Variants in CIDEA observed in about 807,000 individuals in gnomAD.
CIDEA encodes the protein cell death inducing DFFA like effector a.
In CIDEA, 10 loss-of-function variants were observed where a neutral mutation model predicts 18.2. The observed-to-expected ratio is 0.55, with a 90% CI of 0.34 to 0.93. The LOEUF (loss-of-function observed/expected upper bound fraction) is 0.93. CIDEA is among the 40% of genes least tolerant of loss of function. CIDEA has a pLI of 0.02. For missense variants in CIDEA, 309 were observed against 293.1 expected, an observed-to-expected ratio of 1.05 and a Z score of -0.40; for synonymous variants, 128 against 124.8, an observed-to-expected ratio of 1.03 and a Z score of -0.17.
chr18:12,274,007 G>A, intron 3 of CIDEA, 86 bp from the exon 4 acceptor site: 1 of 1,429,954 alleles, frequency 7.0e-7, no homozygotes, highest in South Asian at 1.3e-5. Flanking sequence ...ACACATAGGA[G>A]AATCTGAAGC....
intron 1 of CIDEA, 105 bp from the exon 2 acceptor site, chr18:12,262,716 ATTTC>A (rs1912226301): frequency 1.4e-5 from 15 of 1,073,028 alleles, no homozygotes; most frequent in South Asian, 6.1e-5. Context: ...CAACAACTGA[ATTTC>A]TTTCTTTTAG....
rs1332055882 is a variant in CIDEA, at chr18:12,254,374, G to C, written c.-10G>C. ...AGACAGACCTCCAGGCCCGCTAGGG[G>C]ATCCGCGCCATGGAGGCCGCCCGGG... On this transcript the variant is annotated 5_prime_UTR_variant, in exon 1 of 5. Coordinates refer to ENST00000320477, the MANE Select transcript of CIDEA (RefSeq NM_001279.4). 1.3e-5 allele frequency: 20 copies of C among 1,532,306 alleles called. No individual in the cohort carries two copies. The highest frequency in any genetic ancestry group is 6.8e-5 in the East Asian group (3 of 43,916). 94.9% of individuals were successfully genotyped at this position (1,532,306 alleles called of 1,614,324 possible). A position where few individuals can be genotyped will look rare whatever the true frequency, so the allele number is the denominator to read the frequency against.
chr18:12,261,262 C>T (rs1912182419), intron 1 of CIDEA, among the ~76,000 whole-genome samples: 1 of 152,076 alleles, frequency 6.6e-6, no homozygotes, highest in South Asian at 2.1e-4. Flanking sequence ...TGCACGCCTG[C>T]AATCCCAGCT....
At position 12,277,149 on chromosome 18, in the gene CIDEA, C is replaced by G. The variant is rs750897293; in HGVS notation, c.539C>G (p.Ser180Cys). The G allele has an allele frequency of 1.9e-6, 3 of 1,614,202 alleles. No homozygotes were observed. The highest frequency in any genetic ancestry group is 2.5e-6 in the Non-Finnish European group (3 of 1,180,042). Residue 180 changes from serine (S) to cysteine (C), a missense_variant, in exon 5 of 5, where the codon TCC becomes TGC. Physicochemically the swap from Ser to Cys is moderately radical, Grantham distance 112. Transcript: ENST00000320477. ...AGTCTGCTGCGGTTCCTGTCCTACT[C>G]CGCCCAGGTGACGGGACAGTTTCTC... Reference protein sequence around the residue: ...LRSLLRFLSYSAQVTGQFLIY... With the variant: ...LRSLLRFLSYCAQVTGQFLIY...
chr18:12,257,888 G>A (rs1347787653), intron 1 of CIDEA, among the ~76,000 whole-genome samples: 2 of 152,188 alleles, frequency 1.3e-5, no homozygotes, highest in Non-Finnish European at 2.9e-5. Flanking sequence ...TACTCAGCGG[G>A]CTGGAGGTGA....
chr18:12,266,632 G>C (rs1912356020), intron 3 of CIDEA, among the ~76,000 whole-genome samples: 2 of 152,206 alleles, frequency 1.3e-5, no homozygotes, highest in Non-Finnish European at 2.9e-5. Context: ...TGTTGCCTGT[G>C]ATGTAACACA....
intron 3 of CIDEA, among the ~76,000 whole-genome samples, chr18:12,264,687 G>A (rs948466539): frequency 6.6e-5 from 10 of 152,060 alleles, no homozygotes; most frequent in African/African-American, 2.2e-4. Context: ...CGGAGTAGCT[G>A]GGACTACAGG....
chr18:12,254,996 G>T (rs1380844068), intron 1 of CIDEA: 2 of 1,166,130 alleles, frequency 1.7e-6, no homozygotes, highest in Non-Finnish European at 2.2e-6. Flanking sequence ...TTGCCTCCGG[G>T]TCCAAGGGCG....
rs537889130 is a variant in CIDEA at position 12,276,828 on chromosome 18, C to T, written c.513-295C>T. 3.9e-5 allele frequency among the ~76,000 whole-genome samples: 6 copies of T among 152,328 alleles called. No homozygotes were observed. In the South Asian group the frequency reaches 1.2e-3, roughly 32 times the overall value. Reference sequence around the variant, plus strand: ...CTTGCCAGCCACTCAACAAGCAGGCCGCACTTCAGGTGGCTCATGGGAGCC... The same window carrying T: ...CTTGCCAGCCACTCAACAAGCAGGCTGCACTTCAGGTGGCTCATGGGAGCC... On this transcript the variant is annotated intron_variant, in intron 4 of 4. Transcript: ENST00000320477.
chr18:12,261,175 G>A (rs1233748320), intron 1 of CIDEA, among the ~76,000 whole-genome samples: 3 of 152,198 alleles, frequency 2.0e-5, no homozygotes, highest in Non-Finnish European at 2.9e-5. Context: ...TTGAGGTCAG[G>A]AGTTTGAAAC....
chr18:12,262,070 G>A (rs1234870404), intron 1 of CIDEA, among the ~76,000 whole-genome samples: 1 of 152,002 alleles, frequency 6.6e-6, no homozygotes, highest in East Asian at 1.9e-4. Flanking sequence ...AGGAGGCTGA[G>A]GCAGGAGGAT....
At chr18:12,270,896 T>G (rs894869039) in intron 3 of CIDEA, among the ~76,000 whole-genome samples, 1 of 82,868 alleles carries the variant, frequency 1.2e-5, no homozygotes, top group Non-Finnish European at 2.7e-5. Context: ...TTTCTTTTCT[T>G]TTTTTTTTTT....
rs141835551 is a variant in CIDEA, at chr18:12,277,488, G to A, written c.*218G>A. ...GGGGGAGGCATAGAGGGCCCTGGGGGTCATGGGAAGCGAGCACGCAGCAGG... is the reference window on the plus strand; with the variant it reads ...GGGGGAGGCATAGAGGGCCCTGGGGATCATGGGAAGCGAGCACGCAGCAGG... On this transcript the variant is annotated 3_prime_UTR_variant, in exon 5 of 5. Transcript: ENST00000320477. 2 of 561,738 alleles carry A rather than the reference G, an allele frequency of 3.6e-6. No individual in the cohort carries two copies. The highest frequency in any genetic ancestry group is 3.8e-5 in the African/African-American group (2 of 53,040). 34.8% of individuals were successfully genotyped at this position (561,738 alleles called of 1,614,324 possible). A position where few individuals can be genotyped will look rare whatever the true frequency, so the allele number is the denominator to read the frequency against.
At chr18:12,259,857 T>C (rs1288811971) in intron 1 of CIDEA, among the ~76,000 whole-genome samples, 2 of 151,954 alleles carry the variant, frequency 1.3e-5, no homozygotes. Context: ...CGAGACTCTG[T>C]CTCCAAAAAC....
intron 3 of CIDEA, among the ~76,000 whole-genome samples, chr18:12,271,259 G>A (rs1372264939): frequency 2.6e-5 from 4 of 152,186 alleles, no homozygotes; most frequent in Non-Finnish European, 4.4e-5. Context: ...TTACTGGGGC[G>A]GGGTTGGGGT....
intron 3 of CIDEA, 25 bp from the exon 4 acceptor site, chr18:12,274,068 C>A (rs114292246): frequency 6.2e-7 from 1 of 1,612,900 alleles, no homozygotes; most frequent in South Asian, 1.1e-5. Context: ...GCTCCTGAAG[C>A]CTGCCCCTCC....
chr18:12,255,002 G>A (rs145655629), intron 1 of CIDEA: 12 of 1,143,288 alleles, frequency 1.0e-5, no homozygotes, highest in Non-Finnish European at 1.4e-5. Flanking sequence ...CCGGGTCCAA[G>A]GGCGGAGACG....
At chr18:12,257,071 C>T (rs1420892542) in intron 1 of CIDEA, among the ~76,000 whole-genome samples, 1 of 152,210 alleles carries the variant, frequency 6.6e-6, no homozygotes, top group Non-Finnish European at 1.5e-5. Context: ...CATCCTCTGA[C>T]ACTGTCTCTA....
intron 3 of CIDEA, among the ~76,000 whole-genome samples, chr18:12,266,762 ATT>A (rs11461531): frequency 0.045 from 6,330 of 141,794 alleles, 439 homozygotes; most frequent in African/African-American, 0.15. Flanking sequence ...TGCACAAGTC[ATT>A]TTTTTTTTTT....
Sources: allele counts gnomAD v4.1 joint callset (sites outside exome capture counted in the v4.1 genomes callset), GRCh38; gene constraint gnomAD v4.1.1; transcripts MANE v1.5; gene names NCBI Gene and HGNC (gene_info 2026-07-23, HGNC 2026-07-21).